CNTNAP2: variants seen among roughly 807,000 people sequenced by gnomAD.
CNTNAP2 encodes the protein contactin associated protein 2.
In CNTNAP2, 98 loss-of-function variants were observed where a neutral mutation model predicts 155.2. The observed-to-expected ratio is 0.63, with a 90% CI of 0.54 to 0.75. The LOEUF (loss-of-function observed/expected upper bound fraction) is 0.75, where lower values mean the gene tolerates loss of function less well. CNTNAP2 is among the 30% of genes least tolerant of loss of function. The pLI is 0.00. For missense variants in CNTNAP2, 1,727 were observed against 1,688.1 expected (o/e 1.02, Z -0.40); for synonymous variants, 651 against 631.2 (o/e 1.03, Z -0.47).
rs113697042 is a variant in CNTNAP2, at chr7:147,929,903, A to G, written c.2255+26182A>G. On this transcript the variant is annotated intron_variant, in intron 14 of 23. Coordinates refer to ENST00000361727, the MANE Select transcript of CNTNAP2 (RefSeq NM_014141.6). Reference sequence around the variant, plus strand: ...AGGCATTAGTTAGAGTCTCATAAGGAGCACACAACCTAGATCCCTTGCACA... The same window carrying G: ...AGGCATTAGTTAGAGTCTCATAAGGGGCACACAACCTAGATCCCTTGCACA... Among the ~76,000 whole-genome samples the G allele has an allele frequency of 3.9e-5, 6 of 152,326 alleles. 1 individual carries two copies. The highest frequency in any genetic ancestry group is 1.4e-4 in the African/African-American group (6 of 41,578).
intron 3 of CNTNAP2, among the ~76,000 whole-genome samples, chr7:146,955,141 T>C (rs963094675): frequency 6.6e-6 from 1 of 151,980 alleles, no homozygotes; most frequent in East Asian, 1.9e-4. Flanking sequence ...ACTTATAATA[T>C]AGATTTAATC....
At chr7:147,066,674 A>G (rs894606939) in intron 4 of CNTNAP2, among the ~76,000 whole-genome samples, 2 of 152,162 alleles carry the variant, frequency 1.3e-5, no homozygotes, top group African/African-American at 4.8e-5. Flanking sequence ...GAGAATAGTC[A>G]AGATAAAAAA....
At chr7:147,033,437 T>C (rs767614078) in intron 3 of CNTNAP2, among the ~76,000 whole-genome samples, 1 of 151,742 alleles carries the variant, frequency 6.6e-6, no homozygotes, top group East Asian at 1.9e-4. Context: ...GACATCCCCC[T>C]ACAACTAGGA....
chr7:146,569,583 A>G (rs1280545519), intron 1 of CNTNAP2, among the ~76,000 whole-genome samples: 1 of 152,186 alleles, frequency 6.6e-6, no homozygotes, highest in African/African-American at 2.4e-5. Flanking sequence ...ATGGTATTAT[A>G]GTTCTTTTTG....
chr7:147,055,987 T>G (rs542705066), intron 4 of CNTNAP2, among the ~76,000 whole-genome samples: 1 of 152,298 alleles, frequency 6.6e-6, no homozygotes, highest in East Asian at 1.9e-4. Context: ...AAGCTCTTAA[T>G]GTTTTGTTTT....
At chr7:147,583,147 A>T (rs1490072255) in intron 12 of CNTNAP2, among the ~76,000 whole-genome samples, 1 of 152,114 alleles carries the variant, frequency 6.6e-6, no homozygotes, top group Non-Finnish European at 1.5e-5. Context: ...GATGTATACA[A>T]CTAAAAAGCC....
At chr7:147,922,313 C>T (rs1236757127) in intron 14 of CNTNAP2, among the ~76,000 whole-genome samples, 1 of 152,172 alleles carries the variant, frequency 6.6e-6, no homozygotes, top group African/African-American at 2.4e-5. Context: ...TGCCCCAACC[C>T]TGCTTATAGT....
At chr7:146,706,733 A>G (rs1800971885) in intron 1 of CNTNAP2, among the ~76,000 whole-genome samples, 3 of 152,124 alleles carry the variant, frequency 2.0e-5, no homozygotes. Context: ...ACATGGACAC[A>G]TAAAGGGGAA....
chr7:147,939,557 G>C (rs1014104467), intron 14 of CNTNAP2, among the ~76,000 whole-genome samples: 5 of 152,094 alleles, frequency 3.3e-5, no homozygotes, highest in Non-Finnish European at 7.4e-5. Flanking sequence ...TCGAATTCCT[G>C]ACCTTGTGAC....
At chr7:146,705,330 G>C (rs1024465990) in intron 1 of CNTNAP2, among the ~76,000 whole-genome samples, 20 of 152,088 alleles carry the variant, frequency 1.3e-4, no homozygotes, top group South Asian at 1.2e-3. Context: ...AGATCAAGAT[G>C]CAGGAAGATT....
chr7:147,568,125 G>A (rs1305954694), intron 12 of CNTNAP2, among the ~76,000 whole-genome samples: 1 of 151,782 alleles, frequency 6.6e-6, no homozygotes, highest in African/African-American at 2.4e-5. Flanking sequence ...TCTTTGTCTC[G>A]GGTTTCTTGT....
intron 11 of CNTNAP2, among the ~76,000 whole-genome samples, chr7:147,526,417 A>C (rs763748113): frequency 6.6e-6 from 1 of 152,138 alleles, no homozygotes; most frequent in Admixed American, 6.5e-5. Context: ...AATATGCTAT[A>C]ATCAGCCTGT....
chr7:146,939,268 T>C (rs1796995379), intron 3 of CNTNAP2, among the ~76,000 whole-genome samples: 1 of 152,272 alleles, frequency 6.6e-6, no homozygotes, highest in Non-Finnish European at 1.5e-5. Context: ...TAGGAGTTCG[T>C]TTTGAATTCT....
At chr7:148,315,327 G>A (rs969991667) in intron 21 of CNTNAP2, among the ~76,000 whole-genome samples, 2 of 152,150 alleles carry the variant, frequency 1.3e-5, no homozygotes, top group Non-Finnish European at 1.5e-5. Flanking sequence ...AGATAGGGGT[G>A]AGGCCGTTTT....
intron 1 of CNTNAP2, among the ~76,000 whole-genome samples, chr7:146,222,588 A>G (rs1374301058): frequency 3.4e-5 from 5 of 148,510 alleles, no homozygotes; most frequent in East Asian, 2.0e-4. Flanking sequence ...GTGCACATGT[A>G]TGTAGGTATA....
At chr7:147,412,836 A>G (rs1383298789) in intron 10 of CNTNAP2, among the ~76,000 whole-genome samples, 1 of 152,216 alleles carries the variant, frequency 6.6e-6, no homozygotes, top group Non-Finnish European at 1.5e-5. Flanking sequence ...AAACTAAGGC[A>G]TGTGACACAG....
intron 1 of CNTNAP2, among the ~76,000 whole-genome samples, chr7:146,420,394 C>T (rs1795993659): frequency 6.6e-6 from 1 of 152,046 alleles, no homozygotes; most frequent in Admixed American, 6.6e-5. Flanking sequence ...ATATCTTATT[C>T]CTTGAGTCTT....
chr7:146,374,789 GT>G (rs1362093068), intron 1 of CNTNAP2, among the ~76,000 whole-genome samples: 1 of 152,156 alleles, frequency 6.6e-6, no homozygotes, highest in African/African-American at 2.4e-5. Flanking sequence ...TTGAATATAT[GT>G]GGTTTTGGTT....
intron 1 of CNTNAP2, among the ~76,000 whole-genome samples, chr7:146,749,020 G>A (rs1563215208): frequency 6.6e-6 from 1 of 152,112 alleles, no homozygotes; most frequent in Non-Finnish European, 1.5e-5. Flanking sequence ...TGTGTAGCGA[G>A]GGCATACCAT....
Sources: allele counts gnomAD v4.1 joint callset (sites outside exome capture counted in the v4.1 genomes callset), GRCh38; gene constraint gnomAD v4.1.1; transcripts MANE v1.5; gene names NCBI Gene and HGNC (gene_info 2026-07-23, HGNC 2026-07-21).